Variants in NMNAT2 observed in about 807,000 individuals in gnomAD.
NMNAT2 encodes nicotinamide/nicotinic acid mononucleotide adenylyltransferase 2.
Under a neutral mutation model 41.6 loss-of-function variants are expected in NMNAT2, and 11 were observed. That is an observed-to-expected ratio of 0.26 (90% CI 0.17 to 0.44). The LOEUF (loss-of-function observed/expected upper bound fraction) is 0.44, where lower values mean the gene tolerates loss of function less well. NMNAT2 is among the 20% of genes least tolerant of loss of function. NMNAT2 has a pLI of 1.00. For synonymous variants in NMNAT2, 148 were observed against 151.2 expected (o/e 0.98, Z 0.16); for missense variants, 288 against 407.7 (o/e 0.71, Z 2.53).
At chr1:183,291,913 C>T (rs1463782285) in intron 3 of NMNAT2, among the ~76,000 whole-genome samples, 1 of 152,214 alleles carries the variant, frequency 6.6e-6, no homozygotes, top group Non-Finnish European at 1.5e-5. Flanking sequence ...TCACTGCGCA[C>T]AAATAGCAAG....
intron 5 of NMNAT2, among the ~76,000 whole-genome samples, chr1:183,285,937 G>T (rs996146843): frequency 3.3e-5 from 5 of 152,136 alleles, no homozygotes; most frequent in Non-Finnish European, 5.9e-5. Context: ...GGTGCGGACC[G>T]CCTGGGTGTG....
chr1:183,327,576 T>C (rs1283946183), intron 1 of NMNAT2, among the ~76,000 whole-genome samples: 1 of 152,196 alleles, frequency 6.6e-6, no homozygotes. Flanking sequence ...CAGACATCTG[T>C]ACACTGCACA....
chr1:183,279,569 G>A (rs1331427229), intron 7 of NMNAT2, among the ~76,000 whole-genome samples: 4 of 152,188 alleles, frequency 2.6e-5, no homozygotes, highest in African/African-American at 4.8e-5. Flanking sequence ...AGGCCCAGGC[G>A]AGAGACAGAG....
In NMNAT2 at chr1:183,292,779, G is replaced by A. The variant is rs201097145; in HGVS notation, c.242+11C>T. The A allele has an allele frequency of 1.1e-5, 18 of 1,612,924 alleles. No homozygotes were observed. Among genetic ancestry groups the A allele is most frequent in the East Asian group, 4.5e-5 (2 of 44,866 alleles). On this transcript the variant is annotated intron_variant, in intron 3 of 10. Coordinates refer to ENST00000287713, the MANE Select transcript of NMNAT2 (RefSeq NM_015039.4). ...GGGCCACTGCCTCTGGCATCTTCAGGCCAGTCCTACCTGATCCAATCAGAA... is the reference window on the plus strand; with the variant it reads ...GGGCCACTGCCTCTGGCATCTTCAGACCAGTCCTACCTGATCCAATCAGAA...
chr1:183,276,456 C>CCGGTGATCTAAGT (rs1661126214), intron 8 of NMNAT2, among the ~76,000 whole-genome samples: 1 of 152,258 alleles, frequency 6.6e-6, no homozygotes, highest in East Asian at 1.9e-4. Flanking sequence ...AGTTAGAGGA[C>CCGGTGATCTAAGT]CGGTGATCTA....
At chr1:183,387,264 C>T (rs186952507) in intron 1 of NMNAT2, among the ~76,000 whole-genome samples, 3 of 141,506 alleles carry the variant, frequency 2.1e-5, no homozygotes, top group Admixed American at 7.1e-5. Flanking sequence ...CTGTTCTTAT[C>T]GAGAAAATAT....
At chr1:183,256,354 A>T (rs1200482317) in intron 10 of NMNAT2, among the ~76,000 whole-genome samples, 1 of 152,164 alleles carries the variant, frequency 6.6e-6, no homozygotes, top group African/African-American at 2.4e-5. Context: ...GGTTGCAGTG[A>T]GCAGAGATTG....
intron 1 of NMNAT2, among the ~76,000 whole-genome samples, chr1:183,378,068 A>G (rs929901549): frequency 3.3e-5 from 5 of 152,184 alleles, no homozygotes; most frequent in Non-Finnish European, 5.9e-5. Context: ...CAAAATTGAA[A>G]CACAATTTAT....
chr1:183,351,009 G>A (rs1340781327), intron 1 of NMNAT2, among the ~76,000 whole-genome samples: 1 of 152,178 alleles, frequency 6.6e-6, no homozygotes, highest in South Asian at 2.1e-4. Flanking sequence ...GCTAGGGATT[G>A]CGAGGTCCCA....
At chr1:183,297,351 A>T (rs1316023970) in intron 1 of NMNAT2, among the ~76,000 whole-genome samples, 1 of 151,580 alleles carries the variant, frequency 6.6e-6, no homozygotes, top group Non-Finnish European at 1.5e-5. Flanking sequence ...AGTCTACATA[A>T]ACTCTTCTAG....
intron 7 of NMNAT2, among the ~76,000 whole-genome samples, chr1:183,279,944 G>C (rs903724378): frequency 6.6e-6 from 1 of 152,208 alleles, no homozygotes; most frequent in Non-Finnish European, 1.5e-5. Flanking sequence ...AGGTGCTCAG[G>C]CATGTTGAAT....
At chr1:183,261,759 C>G (rs1046519753) in intron 8 of NMNAT2, among the ~76,000 whole-genome samples, 1 of 152,116 alleles carries the variant, frequency 6.6e-6, no homozygotes, top group African/African-American at 2.4e-5. Context: ...GGCTCACCCT[C>G]ATAAAAACTT....
At chr1:183,402,945 T>G (rs1438697541) in intron 1 of NMNAT2, among the ~76,000 whole-genome samples, 3 of 148,320 alleles carry the variant, frequency 2.0e-5, no homozygotes, top group Non-Finnish European at 4.4e-5. Flanking sequence ...ATGTCATGCA[T>G]AAACAACATC....
chr1:183,259,542 C>T (rs569014986), intron 10 of NMNAT2, among the ~76,000 whole-genome samples: 1 of 152,282 alleles, frequency 6.6e-6, no homozygotes, highest in South Asian at 2.1e-4. Flanking sequence ...AAAATGTTTG[C>T]AATGTTCCCC....
intron 8 of NMNAT2, among the ~76,000 whole-genome samples, chr1:183,270,085 T>C (rs991797368): frequency 5.9e-5 from 9 of 152,198 alleles, no homozygotes; most frequent in South Asian, 4.1e-4. Context: ...GGGGTTTCAC[T>C]GTGTTAGCCA....
At chr1:183,315,722 A>G (rs938082388) in intron 1 of NMNAT2, among the ~76,000 whole-genome samples, 1 of 150,594 alleles carries the variant, frequency 6.6e-6, no homozygotes, top group African/African-American at 2.4e-5. Flanking sequence ...CCGAGGTTGC[A>G]GTGAGCCGAG....
At chr1:183,341,184 G>A (rs1662792432) in intron 1 of NMNAT2, among the ~76,000 whole-genome samples, 1 of 152,168 alleles carries the variant, frequency 6.6e-6, no homozygotes, top group African/African-American at 2.4e-5. Context: ...GCTCAGGTTG[G>A]TAGATTGAGC....
chr1:183,389,786 A>G (rs966536969), intron 1 of NMNAT2, among the ~76,000 whole-genome samples: 2 of 72,314 alleles, frequency 2.8e-5, no homozygotes, highest in African/African-American at 4.5e-5. Context: ...GAAAGAAAGA[A>G]AGAAAGAAAG....
In NMNAT2 at chr1:183,282,714, G is replaced by C. The variant is rs553571926; in HGVS notation, c.574+1281C>G. 2.7e-4 allele frequency among the ~76,000 whole-genome samples: 41 copies of C among 152,282 alleles called. No homozygotes were observed. The East Asian group carries it at 5.6e-3, about 21-fold the overall frequency. ...CTTCCCTCCCATCCTTGCCTGTTGG[G>C]TGTTCTGGGTCTGGAGAACCTAGAG... On this transcript the variant is annotated intron_variant, in intron 7 of 10. Transcript: ENST00000287713.
Sources: allele counts gnomAD v4.1 joint callset (sites outside exome capture counted in the v4.1 genomes callset), GRCh38; gene constraint gnomAD v4.1.1; transcripts MANE v1.5; gene names NCBI Gene and HGNC (gene_info 2026-07-23, HGNC 2026-07-21).